Variants in ITPR3 observed in about 807,000 individuals in gnomAD.
ITPR3 encodes the protein inositol 1,4,5-trisphosphate receptor type 3.
Under a neutral mutation model 293.2 loss-of-function variants are expected in ITPR3, and 173 were observed. That is an observed-to-expected ratio of 0.59 (90% CI 0.52 to 0.67). The LOEUF (loss-of-function observed/expected upper bound fraction) is 0.67, where lower values mean the gene tolerates loss of function less well. ITPR3 is among the 30% of genes least tolerant of loss of function. The pLI, the probability that ITPR3 is intolerant of heterozygous loss-of-function variation, is 0.00. For synonymous variants in ITPR3, 1,295 were observed against 1,444.4 expected (o/e 0.90, Z 2.35); for missense variants, 2,796 against 3,592.1 (o/e 0.78, Z 5.66).
In ITPR3 at chr6:33,667,431, TG is replaced by T. The variant is rs1764640478; in HGVS notation, c.1713+144del. 7.0e-6 allele frequency: 8 copies of T among 1,137,546 alleles called. No homozygotes were observed. The highest frequency in any genetic ancestry group is 3.0e-4 in the Middle Eastern group (1 of 3,352). 70.5% of individuals were successfully genotyped at this position (1,137,546 alleles called of 1,614,324 possible). On this transcript the variant is annotated intron_variant, in intron 15 of 57. Transcript: ENST00000605930. The surrounding 1 kb of genome is among the most constrained non-coding windows in gnomAD (Gnocchi z 4.4). ...GCACCAGACAGCAGGGCCGGGTTCA[TG>T]GGAATGGGACCTGGCCCGGTGCTCA...
chr6:33,692,047 G>T lies in ITPR3; in HGVS notation c.7458+119G>T. On this transcript the variant is annotated intron_variant, in intron 54 of 57. Transcript: ENST00000605930. The surrounding 1 kb of genome is among the most constrained non-coding windows in gnomAD (Gnocchi z 4.2). Reference sequence around the variant, plus strand: ...TATTCAGGGTTGAACCCCCTCCCCCGAACTTGTATCCACTTTTCCCTGCTT... The same window carrying T: ...TATTCAGGGTTGAACCCCCTCCCCCTAACTTGTATCCACTTTTCCCTGCTT... 2 of 1,355,346 alleles carry T rather than the reference G, an allele frequency of 1.5e-6. No individual in the cohort carries two copies. The allele number at this position is 1,355,346 out of a possible 1,614,324, so 84.0% of individuals were successfully genotyped here.
chr6:33,676,966 C>T, intron 26 of ITPR3, 34 bp downstream of exon 26: 1 of 1,613,970 alleles, frequency 6.2e-7, no homozygotes, highest in Non-Finnish European at 8.5e-7. Flanking sequence ...GGGCAGGCCT[C>T]CCTGTGAGGG....
chr6:33,694,691 TGCCTAACG>T, intron 56 of ITPR3: 1 of 539,624 alleles, frequency 1.9e-6, no homozygotes, highest in Admixed American at 3.4e-5. Flanking sequence ...CTGCCGACGC[TGCCTAACG>T]GAAGTCAGCC....
rs1231530135 is a variant in ITPR3, at chr6:33,692,116, C to G, written c.7458+188C>G. On this transcript the variant is annotated intron_variant, in intron 54 of 57. Coordinates refer to ENST00000605930, the MANE Select transcript of ITPR3 (RefSeq NM_002224.4). The surrounding 1 kb of genome is among the most constrained non-coding windows in gnomAD (Gnocchi z 4.2). ...CATGATATTACTGCTTAGCTGCCCC[C>G]TCACCCTCCCATTCCATAAGGAAAG... Among the ~76,000 whole-genome samples the G allele has an allele frequency of 6.6e-6, 1 of 152,230 alleles. No homozygotes were observed. The highest frequency in any genetic ancestry group is 1.5e-5 in the Non-Finnish European group (1 of 68,038).
In ITPR3 at chr6:33,687,431, G is replaced by A; in HGVS notation, c.6178-47G>A. The A allele has an allele frequency of 6.4e-7, 1 of 1,561,550 alleles. No individual in the cohort carries two copies. Among genetic ancestry groups the A allele is most frequent in the Non-Finnish European group, 8.7e-7 (1 of 1,145,588 alleles). ...GCCATTGTCGCCCCCCAGCCACCAT[G>A]TCCCCCAGCCACCACACCCTGGTGA... On this transcript the variant is annotated intron_variant, in intron 45 of 57. Transcript: ENST00000605930. The surrounding 1 kb of genome is among the most constrained non-coding windows in gnomAD (Gnocchi z 5.3).
At chr6:33,676,617 G>A (rs1764913209) in intron 25 of ITPR3, 151 bp from the exon 26 acceptor site, 2 of 935,146 alleles carry the variant, frequency 2.1e-6, no homozygotes, top group Non-Finnish European at 1.6e-6. Context: ...TTATGGCAGA[G>A]CCAGAAACAT....
chr6:33,667,026 G>T lies in ITPR3; in HGVS notation c.1552-103G>T. On this transcript the variant is annotated intron_variant, in intron 14 of 57. Transcript: ENST00000605930. The surrounding 1 kb of genome is among the most constrained non-coding windows in gnomAD (Gnocchi z 4.4). ...CAGCTCGAAGCTGATGTCCGGGCTG[G>T]CTTTAGGGCAGAGTCAGTTGGGACT... 7.3e-7 allele frequency: 1 copy of T among 1,378,540 alleles called. No homozygotes were observed. The highest frequency in any genetic ancestry group is 1.0e-6 in the Non-Finnish European group (1 of 1,001,352). The allele number at this position is 1,378,540 out of a possible 1,614,324, so 85.4% of individuals were successfully genotyped here.
Position 33,653,266 on chromosome 6 carries a change from A to C in ITPR3, c.161-2500A>C, listed in dbSNP as rs142802225. 4.2e-3 allele frequency among the ~76,000 whole-genome samples: 608 copies of C among 146,114 alleles called. 5 individuals carry two copies. Among genetic ancestry groups the C allele is most frequent in the African/African-American group, 0.01 (411 of 39,324 alleles). On this transcript the variant is annotated intron_variant, in intron 2 of 57. Transcript: ENST00000605930. ...TCCCACCACTTGCTGCCTGTTGATAATTTTTTATTAACTTTTTTTTTTTTT... is the reference window on the plus strand; with the variant it reads ...TCCCACCACTTGCTGCCTGTTGATACTTTTTTATTAACTTTTTTTTTTTTT...
rs1227438418 is a variant in ITPR3, at chr6:33,675,223, A to T, written c.3117-468A>T. Among the ~76,000 whole-genome samples, 3 of 152,118 alleles carry T rather than the reference A, an allele frequency of 2.0e-5. No individual in the cohort carries two copies. Among genetic ancestry groups the T allele is most frequent in the Non-Finnish European group, 2.9e-5 (2 of 68,014 alleles). On this transcript the variant is annotated intron_variant, in intron 24 of 57. Transcript: ENST00000605930. This position sits in a 1 kb window ranked among gnomAD's most constrained non-coding sequence, Gnocchi z 5.0. ...GATCACTTGAGGTCAGGAGTTCGAG[A>T]CCAGCCTGGCCAACATGGTGAAACC...
chr6:33,659,187 C>A (rs945387889), intron 6 of ITPR3, 68 bp downstream of exon 6: 1 of 1,405,914 alleles, frequency 7.1e-7, no homozygotes, highest in African/African-American at 1.4e-5. Context: ...GTAGACACCC[C>A]GCTCCCTGCC....
chr6:33,666,087 G>GTGGTCGTGC lies in ITPR3; in HGVS notation c.1551+111_1551+112insTGGTCGTGC. On this transcript the variant is annotated intron_variant, in intron 14 of 57. Coordinates refer to ENST00000605930, the MANE Select transcript of ITPR3 (RefSeq NM_002224.4). The surrounding 1 kb of genome is among the most constrained non-coding windows in gnomAD (Gnocchi z 5.1). ...ACAAAAATCAGTATATATGGGGCACGACCACGTGCCAGGGACTTCCCTAAG... is the reference window on the plus strand; with the variant it reads ...ACAAAAATCAGTATATATGGGGCACGTGGTCGTGCACCACGTGCCAGGGACTTCCCTAAG... 2 of 1,296,096 alleles carry GTGGTCGTGC rather than the reference G, an allele frequency of 1.5e-6. No homozygotes were observed. The highest frequency in any genetic ancestry group is 2.1e-6 in the Non-Finnish European group (2 of 954,234). The allele number at this position is 1,296,096 out of a possible 1,614,324, so 80.3% of individuals were successfully genotyped here. A position where few individuals can be genotyped will look rare whatever the true frequency, so the allele number is the denominator to read the frequency against.
At chr6:33,649,791 C>T (rs1238864523) in intron 2 of ITPR3, among the ~76,000 whole-genome samples, 1 of 152,090 alleles carries the variant, frequency 6.6e-6, no homozygotes. Context: ...GGGAGAGGTG[C>T]CTTTAAAAAT....
In ITPR3 at chr6:33,684,759, G is replaced by T. The variant is rs576546209; in HGVS notation, c.5138-15G>T. 6.2e-7 allele frequency: 1 copy of T among 1,609,652 alleles called. No homozygotes were observed. The highest frequency in any genetic ancestry group is 1.7e-5 in the Admixed American group (1 of 59,840). The stretch of plus-strand genomic sequence containing the variant: ...CTGTCACACCAGCTCTCCCTCAACC[G>T]AGTCCCGCCTCCAGGCCTGGACCCA... On this transcript the variant is annotated splice_polypyrimidine_tract_variant and intron_variant, in intron 38 of 57. Transcript: ENST00000605930. This position sits in a 1 kb window ranked among gnomAD's most constrained non-coding sequence, Gnocchi z 4.2.
At position 33,691,685 on chromosome 6, in the gene ITPR3, T is replaced by C. The variant is rs1260649906; in HGVS notation, c.7296T>C (p.Cys2432=). 1 of 1,613,854 alleles carries C rather than the reference T, an allele frequency of 6.2e-7. No homozygotes were observed. ...VDTCSGDKMD[C]VSGLSVPEVL... is the part of the protein sequence containing the mutation. The stretch of plus-strand genomic sequence containing the variant: ...CCTGCAGTGGGGACAAGATGGACTG[T>C]GTCTCAGGGCTCTCGGTGCCTGAGG... Residue 2432 remains cysteine, a synonymous_variant, in exon 53 of 58, where the codon TGT becomes TGC. Transcript: ENST00000605930. The surrounding 1 kb of genome is among the most constrained non-coding windows in gnomAD (Gnocchi z 4.9).
chr6:33,656,995 G>A (rs1764324130), intron 3 of ITPR3, among the ~76,000 whole-genome samples: 1 of 152,206 alleles, frequency 6.6e-6, no homozygotes, highest in East Asian at 1.9e-4. Flanking sequence ...CTGCCAGCAG[G>A]TAGAGGCTGA....
At position 33,672,349 on chromosome 6, in the gene ITPR3, A is replaced by G. The variant is rs888319795; in HGVS notation, c.2928+121A>G. The G allele has an allele frequency of 4.7e-6, 4 of 844,844 alleles. No homozygotes were observed. The highest frequency in any genetic ancestry group is 2.7e-5 in the East Asian group (1 of 36,690). 52.3% of individuals were successfully genotyped at this position (844,844 alleles called of 1,614,324 possible). On this transcript the variant is annotated intron_variant, in intron 22 of 57. Transcript: ENST00000605930. This position sits in a 1 kb window ranked among gnomAD's most constrained non-coding sequence, Gnocchi z 5.0. Reference sequence around the variant, plus strand: ...TCAGTATTTAGTACTGGAAGTCTCCATCGTGACTGGCTGTCAGGCCCAGCG... The same window carrying G: ...TCAGTATTTAGTACTGGAAGTCTCCGTCGTGACTGGCTGTCAGGCCCAGCG...
In ITPR3 at chr6:33,682,589, A is replaced by G; in HGVS notation, c.4542A>G (p.Leu1514=). Residue 1514 remains leucine, a synonymous_variant, in exon 34 of 58, where the codon CTA becomes CTG. Transcript: ENST00000605930. The surrounding 1 kb of genome is among the most constrained non-coding windows in gnomAD (Gnocchi z 5.4). ...CACGCCTCCTCGAGTGTCCGTGGCT[A>G]CAGCAGCAGCACAAGGGCTCCGTGG... ...STTRLLECPW[L]QQQHKGSVEA... 3.1e-6 allele frequency: 5 copies of G among 1,595,776 alleles called. No homozygotes were observed. The highest frequency in any genetic ancestry group is 4.3e-6 in the Non-Finnish European group (5 of 1,171,734).
In ITPR3 at chr6:33,667,810, T is replaced by C; in HGVS notation, c.1732T>C (p.Phe578Leu). ...RKNQEHIAKQ[F>L]GMMQSQIGYD... ...CCCCCAGGAGCACATTGCCAAGCAG[T>C]TTGGGATGATGCAGTCCCAGATTGG... The change falls in exon 16 of 58, where the codon TTT (phenylalanine) becomes CTT (leucine). Residue 578 changes from phenylalanine to leucine, a missense_variant. Phe to Leu is a conservative substitution (Grantham distance 22, BLOSUM62 0). Coordinates refer to ENST00000605930, the MANE Select transcript of ITPR3 (RefSeq NM_002224.4). This position sits in a 1 kb window ranked among gnomAD's most constrained non-coding sequence, Gnocchi z 4.4. 1 of 1,614,058 alleles carries C rather than the reference T, an allele frequency of 6.2e-7. No individual in the cohort carries two copies. Among genetic ancestry groups the C allele is most frequent in the Non-Finnish European group, 8.5e-7 (1 of 1,179,976 alleles).
chr6:33,689,093 G>A (rs755920568), intron 49 of ITPR3, 145 bp from the exon 50 acceptor site: 1 of 952,122 alleles, frequency 1.1e-6, no homozygotes, highest in Middle Eastern at 3.2e-4. Flanking sequence ...TGAGAGGCAG[G>A]TGTAATGGAG....
Sources: gnomAD v4.1 joint callset for allele counts (sites outside exome capture counted in the v4.1 genomes callset) on GRCh38, gnomAD v4.1.1 for gene constraint, Gnocchi (gnomAD v3.1) non-coding constraint, MANE v1.5 for transcripts, NCBI Gene and HGNC (gene_info 2026-07-23, HGNC 2026-07-21) for gene names.